The following PRUNE2 variants were observed in gnomAD, a reference collection of about 807,000 sequenced individuals.
PRUNE2 encodes the protein prune homolog 2 with BCH domain, also known as protein prune homolog 2.
In PRUNE2, 164 loss-of-function variants were observed where a neutral mutation model predicts 252.0. The observed-to-expected ratio is 0.65, with a 90% CI of 0.57 to 0.74. The LOEUF (loss-of-function observed/expected upper bound fraction) is 0.74, where lower values mean the gene tolerates loss of function less well. Ranked by LOEUF, PRUNE2 falls within the 30% of genes least tolerant of loss-of-function variation. The probability of loss-of-function intolerance (pLI) is 0.00; values close to 1 mark genes in which losing one functional copy is unlikely to be tolerated. For synonymous variants in PRUNE2, 1,292 were observed against 1,350.2 expected (o/e 0.96, Z 0.94); for missense variants, 3,495 against 3,711.0 (o/e 0.94, Z 1.51).
At chr9:76,699,111 T>C (rs1422548813) in intron 9 of PRUNE2, among the ~76,000 whole-genome samples, 2 of 144,472 alleles carry the variant, frequency 1.4e-5, no homozygotes, top group Non-Finnish European at 3.0e-5. Context: ...TATCATCCCT[T>C]TTCTCAATCC....
At chr9:76,652,343 T>G in intron 11 of PRUNE2, 140 bp downstream of exon 11, 1 of 664,906 alleles carries the variant, frequency 1.5e-6, no homozygotes, top group Non-Finnish European at 2.6e-6. Context: ...CTGTCAATCA[T>G]GGCCACCTAT....
At chr9:76,700,702 A>C (rs1168777159) in intron 9 of PRUNE2, among the ~76,000 whole-genome samples, 2 of 152,220 alleles carry the variant, frequency 1.3e-5, no homozygotes, top group African/African-American at 4.8e-5. Context: ...AAATATTCTC[A>C]TGGGCTCCTT....
rs530540292 is a variant in PRUNE2 at position 76,615,199 on chromosome 9, C to T, written c.9237-599G>A. 69 of 985,328 alleles carry T rather than the reference C, an allele frequency of 7.0e-5. No homozygotes were observed. The South Asian group carries it at 2.3e-3, about 33-fold the overall frequency. 61.0% of individuals were successfully genotyped at this position (985,328 alleles called of 1,614,324 possible). On this transcript the variant is annotated intron_variant, in intron 18 of 18. Coordinates refer to ENST00000376718, the MANE Select transcript of PRUNE2 (RefSeq NM_015225.3). Reference sequence around the variant, plus strand: ...GTAAGCCTAAAACTCACTCGAATCACGTCTCTCTTCTGCTTCTTAGTGAAC... The same window carrying T: ...GTAAGCCTAAAACTCACTCGAATCATGTCTCTCTTCTGCTTCTTAGTGAAC...
intron 1 of PRUNE2, among the ~76,000 whole-genome samples, chr9:76,865,182 C>T (rs2060764852): frequency 6.6e-6 from 1 of 152,154 alleles, no homozygotes; most frequent in Admixed American, 6.6e-5. Flanking sequence ...CATCCTTTTA[C>T]ATTTTCTGTT....
chr9:76,671,336 G>C (rs1794591348), intron 9 of PRUNE2, among the ~76,000 whole-genome samples: 1 of 148,988 alleles, frequency 6.7e-6, no homozygotes, highest in African/African-American at 2.5e-5. Context: ...AATGAAGCGA[G>C]AAGGGAAGTC....
intron 1 of PRUNE2, among the ~76,000 whole-genome samples, chr9:76,879,612 G>C (rs530424855): frequency 4.6e-5 from 7 of 151,404 alleles, no homozygotes; most frequent in African/African-American, 1.7e-4. Context: ...AAAAGTAATT[G>C]TGTGTGTGTG....
rs141618342 is a variant in PRUNE2 at position 76,775,145 on chromosome 9, G to A, written c.756+48487C>T. On this transcript the variant is annotated intron_variant, in intron 6 of 18. Coordinates refer to ENST00000376718, the MANE Select transcript of PRUNE2 (RefSeq NM_015225.3). ...GAAAATCAAGTTTATTTGGTCGGGGGGAAAGAAAGGACTTTTTCACTAACC... is the reference window on the plus strand; with the variant it reads ...GAAAATCAAGTTTATTTGGTCGGGGAGAAAGAAAGGACTTTTTCACTAACC... 3.3e-5 allele frequency among the ~76,000 whole-genome samples: 5 copies of A among 152,280 alleles called. 1 individual carries two copies. The East Asian group carries it at 7.7e-4, about 24-fold the overall frequency.
chr9:76,619,460 G>C, intron 17 of PRUNE2, 73 bp from the exon 18 acceptor site: 1 of 1,058,118 alleles, frequency 9.5e-7, no homozygotes, highest in Non-Finnish European at 1.4e-6. Context: ...CAACAGATTT[G>C]AGGCATTTGA....
At position 76,624,589 on chromosome 9, in the gene PRUNE2, G is replaced by A. The variant is rs1387553819; in HGVS notation, c.9150-99C>T. On this transcript the variant is annotated intron_variant, in intron 16 of 18. Coordinates refer to ENST00000376718, the MANE Select transcript of PRUNE2 (RefSeq NM_015225.3). ...CAAAGCAGGGCCAAATGAAAGTGGT[G>A]CATATGTGCTTTTCGAAACTGTCTT... 4 of 804,750 alleles carry A rather than the reference G, an allele frequency of 5.0e-6. No homozygotes were observed. The East Asian group carries it at 1.2e-4, about 24-fold the overall frequency. The allele number at this position is 804,750 out of a possible 1,614,324, so 49.9% of individuals were successfully genotyped here. A position where few individuals can be genotyped will look rare whatever the true frequency, so the allele number is the denominator to read the frequency against.
At chr9:76,643,416 T>G (rs1271724006) in intron 12 of PRUNE2, among the ~76,000 whole-genome samples, 1 of 152,204 alleles carries the variant, frequency 6.6e-6, no homozygotes, top group Non-Finnish European at 1.5e-5. Context: ...ACCAAAAATA[T>G]CTGATGGGTG....
At chr9:76,721,989 T>C (rs78251317) in intron 6 of PRUNE2, among the ~76,000 whole-genome samples, 4,088 of 152,336 alleles carry the variant, frequency 0.027, 163 homozygotes, top group African/African-American at 0.091. Flanking sequence ...TTTTGTTTTT[T>C]GTACACTCTT....
chr9:76,894,716 G>GAAAAAAAAAAA lies in PRUNE2; in HGVS notation c.36+11211_36+11212insTTTTTTTTTTT, dbSNP rs1170899729. On this transcript the variant is annotated intron_variant, in intron 1 of 18. Coordinates refer to ENST00000376718, the MANE Select transcript of PRUNE2 (RefSeq NM_015225.3). Reference sequence around the variant, plus strand: ...TGCACCCTTTCATTAATTTTCTGCAGCAAAAAAAAAAAAAAAGGACCAGCC... The same window carrying GAAAAAAAAAAA: ...TGCACCCTTTCATTAATTTTCTGCAGAAAAAAAAAAACAAAAAAAAAAAAAAAGGACCAGCC... 4.2e-4 allele frequency among the ~76,000 whole-genome samples: 47 copies of GAAAAAAAAAAA among 110,678 alleles called. 1 individual carries two copies. The highest frequency in any genetic ancestry group is 3.9e-3 in the Middle Eastern group (1 of 254). 72.6% of individuals were successfully genotyped at this position (110,678 alleles called of 152,430 possible). A position where few individuals can be genotyped will look rare whatever the true frequency, so the allele number is the denominator to read the frequency against.
rs1554779764 is a variant in PRUNE2 at position 76,807,020 on chromosome 9, ATGTGTGTGTGTG to A, written c.756+16600_756+16611del. ...ATACCTTTAACCACTACCTCATACA[ATGTGTGTGTGTG>A]TGTGTGTGTGTGTGTGTGTGCGCGC... On this transcript the variant is annotated intron_variant, in intron 6 of 18. Coordinates refer to ENST00000376718, the MANE Select transcript of PRUNE2 (RefSeq NM_015225.3). Among the ~76,000 whole-genome samples the A allele has an allele frequency of 2.8e-5, 4 of 140,500 alleles. No homozygotes were observed. In the South Asian group the frequency reaches 7.0e-4, roughly 25 times the overall value. 92.2% of individuals were successfully genotyped at this position (140,500 alleles called of 152,430 possible). A position where few individuals can be genotyped will look rare whatever the true frequency, so the allele number is the denominator to read the frequency against.
At chr9:76,643,479 T>C (rs478699) in intron 12 of PRUNE2, among the ~76,000 whole-genome samples, 76,851 of 152,066 alleles carry the variant, frequency 0.51, 20,653 homozygotes, top group Middle Eastern at 0.65. Flanking sequence ...GTTCCTCTTA[T>C]GGTTTTCACA....
In PRUNE2 at chr9:76,703,964, T is replaced by C; in HGVS notation, c.7649A>G (p.Tyr2550Cys). ...ATTTTCTTCACGGTTTACAAGTATG[T>C]AATCCATGTGTAGTGCATGACGATC... ...NEDRHALHMD[Y>C]ILVNREENSH... Residue 2550 changes from tyrosine to cysteine, a missense_variant, in exon 9 of 19, where the codon TAC (tyrosine) becomes TGC (cysteine). Tyr to Cys is a radical substitution (Grantham distance 194). Transcript: ENST00000376718. The C allele has an allele frequency of 6.2e-7, 1 of 1,613,992 alleles. No homozygotes were observed. The highest frequency in any genetic ancestry group is 1.1e-5 in the South Asian group (1 of 91,082).
chr9:76,758,538 CAGTT>C (rs1046818258), intron 6 of PRUNE2: 10 of 147,284 alleles, frequency 6.8e-5, no homozygotes, highest in African/African-American at 1.8e-4. Flanking sequence ...GTCTCACTGT[CAGTT>C]AGGATGGAGT....
chr9:76,727,174 T>A (rs1401121199), intron 6 of PRUNE2, among the ~76,000 whole-genome samples: 2 of 152,164 alleles, frequency 1.3e-5, no homozygotes, highest in African/African-American at 4.8e-5. Flanking sequence ...CCTGCCCTAG[T>A]TATGACAACT....
intron 1 of PRUNE2, among the ~76,000 whole-genome samples, chr9:76,887,333 T>C (rs1484375960): frequency 6.6e-6 from 1 of 152,138 alleles, no homozygotes; most frequent in Non-Finnish European, 1.5e-5. Flanking sequence ...TCCTATTTTT[T>C]AAGGTTTTTA....
intron 6 of PRUNE2, chr9:76,737,237 A>G (rs939556624): frequency 2.6e-5 from 4 of 152,198 alleles, no homozygotes; most frequent in African/African-American, 9.6e-5. Flanking sequence ...TGCCAGGTTG[A>G]TGAGTCAAGG....
Sources: allele counts gnomAD v4.1 joint callset (sites outside exome capture counted in the v4.1 genomes callset), GRCh38; gene constraint gnomAD v4.1.1; transcripts MANE v1.5; gene names NCBI Gene and HGNC (gene_info 2026-07-23, HGNC 2026-07-21).